GALNT2: variants seen among roughly 807,000 people sequenced by gnomAD.
GALNT2 encodes the protein polypeptide N-acetylgalactosaminyltransferase 2, also known as UDP-GalNAc:polypeptide N-acetylgalactosaminyltransferase 2.
GALNT2 carries 31 observed loss-of-function variants against 81.4 expected under a neutral mutation model. The ratio of observed to expected loss-of-function variants is 0.38; its 90% CI spans 0.29 to 0.51. The LOEUF (loss-of-function observed/expected upper bound fraction) is 0.51, where lower values mean the gene tolerates loss of function less well. GALNT2 is among the 20% of genes least tolerant of loss of function. GALNT2 has a pLI of 0.87. For synonymous variants in GALNT2, 303 were observed against 287.4 expected (o/e 1.05, Z -0.55); for missense variants, 629 against 765.7 (o/e 0.82, Z 2.11).
intron 1 of GALNT2, among the ~76,000 whole-genome samples, chr1:230,075,219 G>A (rs969794379): frequency 3.0e-5 from 4 of 132,652 alleles, no homozygotes; most frequent in East Asian, 2.4e-4. Context: ...TCCGCCTCCC[G>A]GGTTCAAGCG....
At chr1:230,073,085 A>G (rs1471620988) in intron 1 of GALNT2, among the ~76,000 whole-genome samples, 2 of 152,164 alleles carry the variant, frequency 1.3e-5, no homozygotes, top group Non-Finnish European at 2.9e-5. Flanking sequence ...GTACTTCCAT[A>G]TGCAAACCCC....
rs151298982 is a variant in GALNT2, at chr1:230,243,379, C to T, written c.681C>T (p.Cys227=). 1.1e-4 allele frequency: 184 copies of T among 1,612,506 alleles called. 1 individual carries two copies. The South Asian group carries it at 1.8e-3, about 16-fold the overall frequency. Residue 227 remains cysteine (C), a synonymous_variant, in exon 7 of 16, where the codon TGC becomes TGT. Transcript: ENST00000366672. This position sits in a 1 kb window ranked among gnomAD's most constrained non-coding sequence, Gnocchi z 4.2. ...TCCTGACCTTCCTGGACAGTCACTG[C>T]GAGTGTAATGAGCACTGGCTGGAGC... ...AKVLTFLDSH[C]ECNEHWLEPL... is the part of the protein sequence containing the mutation.
At chr1:230,203,535 G>A (rs1310468141) in intron 3 of GALNT2, among the ~76,000 whole-genome samples, 2 of 152,194 alleles carry the variant, frequency 1.3e-5, no homozygotes, top group African/African-American at 4.8e-5. Context: ...TGGGTTTCTG[G>A]CCAGAGCGTG....
At chr1:230,085,431 G>A (rs1659870238) in intron 1 of GALNT2, among the ~76,000 whole-genome samples, 1 of 152,176 alleles carries the variant, frequency 6.6e-6, no homozygotes, top group Admixed American at 6.5e-5. Flanking sequence ...GATGCTAGGT[G>A]GAAACTCTAT....
At position 230,122,957 on chromosome 1, in the gene GALNT2, G is replaced by A. The variant is rs12041751; in HGVS notation, c.127-55261G>A. On this transcript the variant is annotated intron_variant, in intron 1 of 15. Transcript: ENST00000366672. ...CCCTTGTTATTAATAACTTGCTTGG[G>A]GCTACATTGAGTTGGGGATGTGCAG... 1.3e-3 allele frequency among the ~76,000 whole-genome samples: 193 copies of A among 152,200 alleles called. 3 individuals are homozygous for A. In the East Asian group the frequency reaches 0.035, roughly 28 times the overall value.
intron 1 of GALNT2, among the ~76,000 whole-genome samples, chr1:230,086,555 A>C (rs949878552): frequency 1.2e-4 from 18 of 152,182 alleles, no homozygotes; most frequent in Non-Finnish European, 1.8e-4. Context: ...GCAAAGGAGG[A>C]AAACAGCTGT....
At chr1:230,259,914 AGG>A (rs1159362367) in intron 11 of GALNT2, among the ~76,000 whole-genome samples, 1 of 152,228 alleles carries the variant, frequency 6.6e-6, no homozygotes, top group African/African-American at 2.4e-5. Context: ...GTTTGGGGAA[AGG>A]GCTGTTACCA....
intron 11 of GALNT2, among the ~76,000 whole-genome samples, chr1:230,258,517 G>A (rs936772388): frequency 2.6e-5 from 4 of 152,150 alleles, no homozygotes; most frequent in African/African-American, 9.7e-5. Context: ...GAGCCACCGT[G>A]CCTGGCCATT....
intron 1 of GALNT2, among the ~76,000 whole-genome samples, chr1:230,058,956 C>A (rs1294048599): frequency 6.6e-6 from 1 of 152,186 alleles, no homozygotes; most frequent in East Asian, 1.9e-4. Flanking sequence ...TAATAACCTC[C>A]ATAGAAATGT....
chr1:230,171,388 C>T (rs1436574889), intron 1 of GALNT2, among the ~76,000 whole-genome samples: 2 of 152,058 alleles, frequency 1.3e-5, no homozygotes, highest in African/African-American at 4.8e-5. Context: ...CTGTTTTTTT[C>T]CCCAAAACTT....
Position 230,161,177 on chromosome 1 carries a change from G to A in GALNT2, c.127-17041G>A, listed in dbSNP as rs1264417798. Among the ~76,000 whole-genome samples the A allele has an allele frequency of 2.0e-5, 3 of 152,318 alleles. 1 individual carries two copies. Among genetic ancestry groups the A allele is most frequent in the East Asian group, 3.9e-4 (2 of 5,192 alleles). Reference sequence around the variant, plus strand: ...TTTTGCTAACTTCCCCAGGGCTCACGTGTGCCTTGTGGTCAAGTGATAGCA... The same window carrying A: ...TTTTGCTAACTTCCCCAGGGCTCACATGTGCCTTGTGGTCAAGTGATAGCA... On this transcript the variant is annotated intron_variant, in intron 1 of 15. Coordinates refer to ENST00000366672, the MANE Select transcript of GALNT2 (RefSeq NM_004481.5).
At chr1:230,082,026 T>C (rs567876031) in intron 1 of GALNT2, among the ~76,000 whole-genome samples, 64 of 152,344 alleles carry the variant, frequency 4.2e-4, no homozygotes, top group African/African-American at 1.5e-3. Flanking sequence ...TGGCTTGACT[T>C]CTCTGACCCA....
intron 1 of GALNT2, among the ~76,000 whole-genome samples, chr1:230,156,046 A>T (rs1305077991): frequency 6.6e-6 from 1 of 151,962 alleles, no homozygotes; most frequent in Non-Finnish European, 1.5e-5. Flanking sequence ...TGGGTGGGTG[A>T]TAGAAGAGTA....
In GALNT2 at chr1:230,279,175, T is replaced by G; in HGVS notation, c.1561-128T>G. The G allele has an allele frequency of 3.9e-6, 4 of 1,025,504 alleles. No homozygotes were observed. Among genetic ancestry groups the G allele is most frequent in the Non-Finnish European group, 5.6e-6 (4 of 715,612 alleles). The allele number at this position is 1,025,504 out of a possible 1,614,324, so 63.5% of individuals were successfully genotyped here. A position where few individuals can be genotyped will look rare whatever the true frequency, so the allele number is the denominator to read the frequency against. ...GCTGCAAGCTCCTCGGCCGTTCAGA[T>G]GAGAGGCTGGGAAAAACGTGTCTAT... On this transcript the variant is annotated intron_variant, in intron 15 of 15. Transcript: ENST00000366672. The surrounding 1 kb of genome is among the most constrained non-coding windows in gnomAD (Gnocchi z 4.6).
chr1:230,105,478 C>T (rs536821019), intron 1 of GALNT2, among the ~76,000 whole-genome samples: 121 of 152,226 alleles, frequency 7.9e-4, no homozygotes, highest in African/African-American at 2.7e-3. Flanking sequence ...TTTCATTGAT[C>T]GTGTTTTTCT....
At chr1:230,129,181 AATAG>A (rs1430031338) in intron 1 of GALNT2, among the ~76,000 whole-genome samples, 1 of 152,240 alleles carries the variant, frequency 6.6e-6, no homozygotes, top group Non-Finnish European at 1.5e-5. Flanking sequence ...TCTTGCTCAA[AATAG>A]ATTGTGTTGC....
At chr1:230,079,275 A>G (rs74145439) in intron 1 of GALNT2, among the ~76,000 whole-genome samples, 3,165 of 152,342 alleles carry the variant, frequency 0.021, 110 homozygotes, top group African/African-American at 0.072. Flanking sequence ...CTGGTACTTC[A>G]AATTTATGTC....
At chr1:230,231,664 C>T (rs566389924) in intron 3 of GALNT2, among the ~76,000 whole-genome samples, 82 of 152,266 alleles carry the variant, frequency 5.4e-4, no homozygotes, top group African/African-American at 2.0e-3. Flanking sequence ...TCCAGCTAAC[C>T]AAGAGTTCAG....
intron 1 of GALNT2, among the ~76,000 whole-genome samples, chr1:230,150,937 G>A (rs960224458): frequency 7.9e-5 from 12 of 152,206 alleles, no homozygotes; most frequent in Non-Finnish European, 2.9e-5. Context: ...GCAACTTAGA[G>A]AATTCCCAGC....
Sources: allele counts gnomAD v4.1 joint callset (sites outside exome capture counted in the v4.1 genomes callset), GRCh38; gene constraint gnomAD v4.1.1; non-coding constraint Gnocchi (gnomAD v3.1); transcripts MANE v1.5; gene names NCBI Gene and HGNC (gene_info 2026-07-23, HGNC 2026-07-21).